PAX5: variants seen among roughly 807,000 people sequenced by gnomAD.
PAX5 encodes paired box protein Pax-5.
PAX5 carries 9 observed loss-of-function variants against 43.7 expected under a neutral mutation model. That is an observed-to-expected ratio of 0.21 (90% CI 0.12 to 0.36). The LOEUF is 0.36. Ranked by LOEUF, PAX5 falls within the 10% of genes least tolerant of loss-of-function variation. The probability of loss-of-function intolerance (pLI) is 1.00; values close to 1 mark genes in which losing one functional copy is unlikely to be tolerated. For missense variants in PAX5, 383 were observed against 532.7 expected, an observed-to-expected ratio of 0.72 and a Z score of 2.77; for synonymous variants, 228 against 214.3, an observed-to-expected ratio of 1.06 and a Z score of -0.56.
intron 7 of PAX5, among the ~76,000 whole-genome samples, chr9:36,919,429 A>T (rs1829963513): frequency 6.6e-6 from 1 of 152,226 alleles, no homozygotes; most frequent in Non-Finnish European, 1.5e-5. Context: ...ACGTTGTCTT[A>T]TTTAAGAAAT....
intron 4 of PAX5, among the ~76,000 whole-genome samples, chr9:37,004,257 T>C (rs897978454): frequency 6.6e-6 from 1 of 152,228 alleles, no homozygotes; most frequent in African/African-American, 2.4e-5. Context: ...TCACATTAAC[T>C]TCTGGCCCCA....
chr9:36,924,887 T>A (rs921462398), intron 6 of PAX5, among the ~76,000 whole-genome samples: 2 of 36,670 alleles, frequency 5.5e-5, no homozygotes, highest in Non-Finnish European at 1.3e-4. Flanking sequence ...CCAACAAATT[T>A]GTTTGTGCAT....
chr9:36,860,267 G>A (rs1048576465), intron 8 of PAX5, among the ~76,000 whole-genome samples: 1 of 151,988 alleles, frequency 6.6e-6, no homozygotes, highest in Non-Finnish European at 1.5e-5. Flanking sequence ...AACCCAGGAG[G>A]CAGAAGTTGC....
At chr9:36,843,798 A>G (rs1340821534) in intron 9 of PAX5, among the ~76,000 whole-genome samples, 1 of 152,158 alleles carries the variant, frequency 6.6e-6, no homozygotes, top group Admixed American at 6.5e-5. Context: ...GGGGGACTCC[A>G]TCTGTTGGGA....
intron 9 of PAX5, 117 bp downstream of exon 9, chr9:36,846,726 C>G: frequency 1.5e-6 from 1 of 664,844 alleles, no homozygotes; most frequent in Non-Finnish European, 2.6e-6. Flanking sequence ...TCTGGGCAAG[C>G]TACCCACCCA....
intron 8 of PAX5, among the ~76,000 whole-genome samples, chr9:36,865,299 C>G (rs1339995671): frequency 1.3e-5 from 2 of 152,212 alleles, no homozygotes; most frequent in Non-Finnish European, 2.9e-5. Context: ...ACCTTGCCCT[C>G]TTGTCCCCCA....
Position 36,929,315 on chromosome 9 carries a change from A to G in PAX5, c.781-5831T>C, listed in dbSNP as rs552414093. Among the ~76,000 whole-genome samples, 14 of 151,332 alleles carry G rather than the reference A, an allele frequency of 9.3e-5. No homozygotes were observed. The East Asian group carries it at 2.5e-3, about 28-fold the overall frequency. ...GATGGATGAGAGAGAGAGAGAGAGAAAGAAAGAGAAGAGGAAAGGAATTCC... is the reference window on the plus strand; with the variant it reads ...GATGGATGAGAGAGAGAGAGAGAGAGAGAAAGAGAAGAGGAAAGGAATTCC... On this transcript the variant is annotated intron_variant, in intron 6 of 9. Coordinates refer to ENST00000358127, the MANE Select transcript of PAX5 (RefSeq NM_016734.3).
chr9:36,880,760 T>C (rs1826342333), intron 8 of PAX5, among the ~76,000 whole-genome samples: 1 of 152,202 alleles, frequency 6.6e-6, no homozygotes, highest in Non-Finnish European at 1.5e-5. Flanking sequence ...GTTTGTTTAG[T>C]AGAGACAGGG....
At chr9:36,986,917 C>T (rs2132306441) in intron 5 of PAX5, among the ~76,000 whole-genome samples, 1 of 152,324 alleles carries the variant, frequency 6.6e-6, no homozygotes, top group Admixed American at 6.5e-5. Context: ...GAGATGGTGG[C>T]CGGGGTCCCG....
Position 36,863,932 on chromosome 9 carries a change from A to T in PAX5, c.1013-17003T>A, listed in dbSNP as rs188625438. 3.8e-3 allele frequency among the ~76,000 whole-genome samples: 578 copies of T among 152,284 alleles called. 3 individuals carry two copies. Among genetic ancestry groups the T allele is most frequent in the African/African-American group, 0.013 (553 of 41,570 alleles). ...AAGACCAGCCTGGCCAACATGGTGAAACCCCGTCTCTACTAAAAATACAAA... is the reference window on the plus strand; with the variant it reads ...AAGACCAGCCTGGCCAACATGGTGATACCCCGTCTCTACTAAAAATACAAA... On this transcript the variant is annotated intron_variant, in intron 8 of 9. Coordinates refer to ENST00000358127, the MANE Select transcript of PAX5 (RefSeq NM_016734.3).
intron 1 of PAX5, among the ~76,000 whole-genome samples, chr9:37,031,192 T>C (rs1840945546): frequency 6.6e-6 from 1 of 152,182 alleles, no homozygotes; most frequent in Non-Finnish European, 1.5e-5. Flanking sequence ...TAAAATCACC[T>C]TAGTCGGGGT....
At chr9:36,910,503 A>AT (rs1039054947) in intron 7 of PAX5, among the ~76,000 whole-genome samples, 24 of 151,680 alleles carry the variant, frequency 1.6e-4, no homozygotes, top group East Asian at 9.7e-4. Flanking sequence ...GTTAGGACTA[A>AT]TTTTTTTTTA....
chr9:36,877,876 C>T (rs928582117), intron 8 of PAX5, among the ~76,000 whole-genome samples: 1 of 152,180 alleles, frequency 6.6e-6, no homozygotes, highest in East Asian at 1.9e-4. Context: ...GGAGATCATC[C>T]TGGATCCTCC....
At chr9:37,024,900 A>C (rs758097425) in intron 1 of PAX5, among the ~76,000 whole-genome samples, 1 of 152,114 alleles carries the variant, frequency 6.6e-6, no homozygotes, top group African/African-American at 2.4e-5. Context: ...TCCACCAGTG[A>C]GGAGAGAAGT....
chr9:36,835,374 GAGA>G lies in PAX5; in HGVS notation c.*5183_*5185del. On this transcript the variant is annotated 3_prime_UTR_variant, in exon 10 of 10. Coordinates refer to ENST00000358127, the MANE Select transcript of PAX5 (RefSeq NM_016734.3). Reference sequence around the variant, plus strand: ...TGCTCCTGGCCGGCAGCTCATTTCAGAGAAGCTGTTGCCTCATCAGGGGAGCAG... The same window carrying G: ...TGCTCCTGGCCGGCAGCTCATTTCAGAGCTGTTGCCTCATCAGGGGAGCAG... 2 of 232,938 alleles carry G rather than the reference GAGA, an allele frequency of 8.6e-6. No individual in the cohort carries two copies. The highest frequency in any genetic ancestry group is 8.5e-6 in the Non-Finnish European group (1 of 117,812). The allele number at this position is 232,938 out of a possible 1,614,324, so 14.4% of individuals were successfully genotyped here.
intron 8 of PAX5, among the ~76,000 whole-genome samples, chr9:36,874,320 G>A (rs997190938): frequency 5.9e-5 from 9 of 152,164 alleles, no homozygotes; most frequent in Admixed American, 1.3e-4. Flanking sequence ...ACTGGCCCTC[G>A]CCCCATGCTC....
chr9:36,955,053 T>G (rs1254932700), intron 6 of PAX5, among the ~76,000 whole-genome samples: 1 of 152,186 alleles, frequency 6.6e-6, no homozygotes, highest in East Asian at 1.9e-4. Flanking sequence ...TTTTTATTTC[T>G]AGAAAATTTA....
At chr9:37,018,564 A>C (rs1839586055) in intron 2 of PAX5, among the ~76,000 whole-genome samples, 1 of 147,902 alleles carries the variant, frequency 6.8e-6, no homozygotes, top group African/African-American at 2.5e-5. Flanking sequence ...CAAATTCTTC[A>C]GTGACCAAAA....
At chr9:37,000,699 C>T (rs531635497) in intron 5 of PAX5, among the ~76,000 whole-genome samples, 42 of 152,362 alleles carry the variant, frequency 2.8e-4, no homozygotes, top group Non-Finnish European at 4.6e-4. Flanking sequence ...TCTCTGCTTA[C>T]ATATCCCCAG....
Sources: allele counts gnomAD v4.1 joint callset (sites outside exome capture counted in the v4.1 genomes callset), GRCh38; gene constraint gnomAD v4.1.1; transcripts MANE v1.5; gene names NCBI Gene and HGNC (gene_info 2026-07-23, HGNC 2026-07-21).